The following ACTA2 variants were observed in gnomAD, a reference collection of about 807,000 sequenced individuals.
ACTA2 encodes actin alpha 2, smooth muscle.
ACTA2 carries 12 observed loss-of-function variants against 39.5 expected under a neutral mutation model. That is an observed-to-expected ratio of 0.30 (90% CI 0.19 to 0.49). ACTA2 has a LOEUF of 0.49. ACTA2 is among the 20% of genes least tolerant of loss of function. The pLI is 0.99. For missense variants in ACTA2, 236 were observed against 498.8 expected, an observed-to-expected ratio of 0.47 and a Z score of 5.02; for synonymous variants, 158 against 180.6, an observed-to-expected ratio of 0.88 and a Z score of 1.00.
intron 7 of ACTA2, 131 bp from the exon 8 acceptor site, chr10:88,938,373 C>A: frequency 1.9e-6 from 2 of 1,032,726 alleles, no homozygotes; most frequent in Non-Finnish European, 3.0e-6. Flanking sequence ...ATCTAGGAAC[C>A]ACCTGTCTGA....
upstream of ACTA2, among the ~76,000 whole-genome samples, chr10:88,953,008 C>CTGCAGA (rs1833033207): frequency 6.6e-6 from 1 of 152,268 alleles, no homozygotes; most frequent in Non-Finnish European, 1.5e-5. Flanking sequence ...GGGAGATAAA[C>CTGCAGA]ACGCCAAGCC....
chr10:88,989,375 G>T, intron 1 of ACTA2: 5 of 314,460 alleles, frequency 1.6e-5, no homozygotes, highest in Middle Eastern at 4.1e-4. Flanking sequence ...TTTTCATTTT[G>T]GAATAGTTTT....
intron 1 of ACTA2, among the ~76,000 whole-genome samples, chr10:88,965,112 A>C (rs1446586982): frequency 6.6e-6 from 1 of 152,114 alleles, no homozygotes; most frequent in Non-Finnish European, 1.5e-5. Flanking sequence ...AAACCTTCTT[A>C]GATGCATTTT....
chr10:88,961,346 G>A (rs955130888), intron 1 of ACTA2, among the ~76,000 whole-genome samples: 1 of 152,114 alleles, frequency 6.6e-6, no homozygotes, highest in Non-Finnish European at 1.5e-5. Flanking sequence ...TTATAGAAAA[G>A]GTTTGTGTAC....
chr10:88,937,293 C>T (rs557573275), intron 8 of ACTA2, among the ~76,000 whole-genome samples: 23 of 152,316 alleles, frequency 1.5e-4, no homozygotes, highest in Middle Eastern at 6.8e-3. Context: ...TAAATACCCA[C>T]GTGTGTGAAC....
Position 88,990,701 on chromosome 10 carries a change from G to A in ACTA2, c.-24+238C>T. 1 of 740,558 alleles carries A rather than the reference G, an allele frequency of 1.4e-6. No homozygotes were observed. Among genetic ancestry groups the A allele is most frequent in the Non-Finnish European group, 2.4e-6 (1 of 417,122 alleles). The allele number at this position is 740,558 out of a possible 1,614,324, so 45.9% of individuals were successfully genotyped here. A position where few individuals can be genotyped will look rare whatever the true frequency, so the allele number is the denominator to read the frequency against. ...GTTCAAAGACGCTTCTGGGGAGTGAGGGAAGCGGTTTACGAGTGACTTGGC... is the reference window on the plus strand; with the variant it reads ...GTTCAAAGACGCTTCTGGGGAGTGAAGGAAGCGGTTTACGAGTGACTTGGC... On this transcript the variant is annotated intron_variant, in intron 1 of 4. Coordinates refer to the ACTA2 transcript ENST00000415557. The surrounding 1 kb of genome is among the most constrained non-coding windows in gnomAD (Gnocchi z 4.9).
intron 1 of ACTA2, among the ~76,000 whole-genome samples, chr10:88,982,907 C>T (rs1846745049): frequency 1.3e-5 from 2 of 152,140 alleles, no homozygotes; most frequent in Non-Finnish European, 2.9e-5. Context: ...TGGTCCTTAT[C>T]TGTTTGAGGT....
At chr10:88,991,093 C>A in exon 1 of ACTA2, 1 of 702,760 alleles carries the variant, frequency 1.4e-6, no homozygotes, top group Non-Finnish European at 2.4e-6. Context: ...TTCCCTCAGG[C>A]CCGGGTGCTC....
At chr10:88,936,221 G>A (rs946202669) in intron 8 of ACTA2, among the ~76,000 whole-genome samples, 2 of 152,150 alleles carry the variant, frequency 1.3e-5, no homozygotes, top group African/African-American at 2.4e-5. Flanking sequence ...TTAAGTAACT[G>A]GCCCAGGTAA....
Position 88,941,785 on chromosome 10 carries a change from C to G in ACTA2, c.454G>C (p.Gly152Arg). 1 of 1,611,248 alleles carries G rather than the reference C, an allele frequency of 6.2e-7. No homozygotes were observed. The highest frequency in any genetic ancestry group is 8.5e-7 in the Non-Finnish European group (1 of 1,178,684). ...CTTGCTGTCCCGCCCAGCCACCTAC[C>G]AGTTGTGCGTCCAGAGGCATAGAGA... ...LSLYASGRTT[G>R]IVLDSGDGVT... The change falls in exon 5 of 9, where the codon GGC (glycine) becomes CGC (arginine). Residue 152 changes from glycine to arginine, a missense_variant and splice_region_variant. Gly to Arg is a moderately radical substitution (Grantham distance 125). Transcript: ENST00000224784.
Position 88,990,590 on chromosome 10 carries a change from C to G in ACTA2, c.-24+349G>C, listed in dbSNP as rs573539833. 1 of 672,064 alleles carries G rather than the reference C, an allele frequency of 1.5e-6. No homozygotes were observed. Among genetic ancestry groups the G allele is most frequent in the African/African-American group, 1.8e-5 (1 of 56,820 alleles). The allele number at this position is 672,064 out of a possible 1,614,324, so 41.6% of individuals were successfully genotyped here. Reference sequence around the variant, plus strand: ...GGAGCCCTCCCCAACCCGGGCGTTCCCCAGCGAGGCTTCCTTCCCATCCTC... The same window carrying G: ...GGAGCCCTCCCCAACCCGGGCGTTCGCCAGCGAGGCTTCCTTCCCATCCTC... On this transcript the variant is annotated intron_variant, in intron 1 of 4. Coordinates refer to the ACTA2 transcript ENST00000415557. This position sits in a 1 kb window ranked among gnomAD's most constrained non-coding sequence, Gnocchi z 4.9.
chr10:88,957,318 G>T (rs1391373228), upstream of ACTA2, among the ~76,000 whole-genome samples: 1 of 152,186 alleles, frequency 6.6e-6, no homozygotes, highest in Non-Finnish European at 1.5e-5. Context: ...ATACATGTCA[G>T]ATTGCAGAAT....
intron 1 of ACTA2, among the ~76,000 whole-genome samples, chr10:88,961,245 C>T (rs1564652889): frequency 6.6e-6 from 1 of 152,140 alleles, no homozygotes; most frequent in Non-Finnish European, 1.5e-5. Flanking sequence ...TTTCTAACAA[C>T]CTAGCAACAC....
At chr10:88,937,502 G>A (rs1482962149) in intron 8 of ACTA2, among the ~76,000 whole-genome samples, 1 of 152,146 alleles carries the variant, frequency 6.6e-6, no homozygotes, top group Non-Finnish European at 1.5e-5. Flanking sequence ...AGGGGTCCTG[G>A]GTGGCTCAGG....
chr10:88,947,224 C>T (rs1422035663), intron 3 of ACTA2, 34 bp downstream of exon 3: 7 of 1,613,422 alleles, frequency 4.3e-6, no homozygotes, highest in Non-Finnish European at 5.9e-6. Context: ...GATTATGCAT[C>T]CTGAGGGCCC....
intron 8 of ACTA2, among the ~76,000 whole-genome samples, 178 bp downstream of exon 8, chr10:88,937,883 T>C (rs1845771918): frequency 6.6e-6 from 1 of 152,170 alleles, no homozygotes; most frequent in Non-Finnish European, 1.5e-5. Flanking sequence ...AGTAACTCAA[T>C]TTTTCTTATG....
At chr10:88,955,252 C>T (rs1421105110), upstream of ACTA2, among the ~76,000 whole-genome samples, 2 of 152,082 alleles carry the variant, frequency 1.3e-5, no homozygotes, top group African/African-American at 4.8e-5. Context: ...TAGATTAGGC[C>T]ATGTAACTAC....
At chr10:88,936,067 ATATT>A (rs143536034) in intron 8 of ACTA2, among the ~76,000 whole-genome samples, 1 of 152,348 alleles carries the variant, frequency 6.6e-6, no homozygotes, top group East Asian at 1.9e-4. Context: ...CAAAGTACTG[ATATT>A]TACTGAGCAT....
At chr10:88,969,343 G>A (rs1323718116) in intron 1 of ACTA2, among the ~76,000 whole-genome samples, 1 of 152,148 alleles carries the variant, frequency 6.6e-6, no homozygotes, top group Non-Finnish European at 1.5e-5. Context: ...TCCACATTCT[G>A]CTATGCCTTA....
Sources: allele counts gnomAD v4.1 joint callset (sites outside exome capture counted in the v4.1 genomes callset), GRCh38; gene constraint gnomAD v4.1.1; non-coding constraint Gnocchi (gnomAD v3.1); transcripts MANE v1.5; gene names NCBI Gene and HGNC (gene_info 2026-07-23, HGNC 2026-07-21).